The following TNKS variants were observed in gnomAD, a reference collection of about 807,000 sequenced individuals.
TNKS encodes tankyrase.
In TNKS, 72 loss-of-function variants were observed where a neutral mutation model predicts 135.8. That is an observed-to-expected ratio of 0.53 (90% confidence interval 0.44 to 0.64). The LOEUF is 0.64. Among genes scored for constraint, TNKS ranks in the 30% least tolerant of loss-of-function variants. The pLI, the probability that TNKS is intolerant of heterozygous loss-of-function variation, is 0.00. For missense variants in TNKS, 1,769 were observed against 1,674.0 expected (o/e 1.06, Z -0.99); for synonymous variants, 849 against 649.3 (o/e 1.31, Z -4.68).
At chr8:9,567,704 A>G (rs1311597074) in intron 1 of TNKS, among the ~76,000 whole-genome samples, 1 of 152,242 alleles carries the variant, frequency 6.6e-6, no homozygotes. Flanking sequence ...GGCCTGAGCC[A>G]CCGCACCCTT....
At chr8:9,650,629 A>C (rs544835953) in intron 3 of TNKS, among the ~76,000 whole-genome samples, 1 of 151,980 alleles carries the variant, frequency 6.6e-6, no homozygotes, top group Non-Finnish European at 1.5e-5. Context: ...AGAATTATCT[A>C]TTCATGTCCT....
At chr8:9,723,436 T>C (rs953976094) in intron 12 of TNKS, among the ~76,000 whole-genome samples, 2 of 152,132 alleles carry the variant, frequency 1.3e-5, no homozygotes, top group Admixed American at 1.3e-4. Flanking sequence ...TGAGATCTAC[T>C]TTAGAAACCT....
At chr8:9,565,626 C>T (rs1233316850) in intron 1 of TNKS, among the ~76,000 whole-genome samples, 1 of 151,914 alleles carries the variant, frequency 6.6e-6, no homozygotes, top group Admixed American at 6.6e-5. Flanking sequence ...TTTGGGAGGG[C>T]GGATCACAAG....
intron 5 of TNKS, among the ~76,000 whole-genome samples, chr8:9,686,000 G>A (rs1377401753): frequency 6.6e-6 from 1 of 152,066 alleles, no homozygotes; most frequent in African/African-American, 2.4e-5. Context: ...CAGTCTTTAT[G>A]TGGTAGGTTG....
rs1425885612 is a variant in TNKS, at chr8:9,579,539, G to T, written c.674-620G>T. Among the ~76,000 whole-genome samples the T allele has an allele frequency of 3.3e-5, 5 of 152,270 alleles. No individual in the cohort carries two copies. In the East Asian group the frequency reaches 9.7e-4, roughly 29 times the overall value. On this transcript the variant is annotated intron_variant, in intron 1 of 26. Transcript: ENST00000310430. ...GCTGGAATGCAGTGGCGTGGTCTCG[G>T]CTCACTGCCATCTCTGCCTCCCAGG...
chr8:9,628,114 A>C (rs975742945), intron 3 of TNKS, among the ~76,000 whole-genome samples: 1 of 152,106 alleles, frequency 6.6e-6, no homozygotes, highest in African/African-American at 2.4e-5. Flanking sequence ...GTTTATATCC[A>C]TCTGCTCATA....
intron 1 of TNKS, among the ~76,000 whole-genome samples, chr8:9,568,306 C>T (rs562127795): frequency 5.0e-4 from 76 of 152,134 alleles, no homozygotes; most frequent in African/African-American, 1.7e-3. Flanking sequence ...AGTAACAGCT[C>T]GAGAAATATG....
At chr8:9,631,783 A>G (rs1241222050) in intron 3 of TNKS, among the ~76,000 whole-genome samples, 2 of 151,834 alleles carry the variant, frequency 1.3e-5, no homozygotes, top group Admixed American at 1.3e-4. Context: ...TTTTCAAGAA[A>G]AAGTGTCAAG....
intron 1 of TNKS, among the ~76,000 whole-genome samples, chr8:9,566,701 C>A (rs982825233): frequency 6.6e-6 from 1 of 150,394 alleles, no homozygotes; most frequent in Non-Finnish European, 1.5e-5. Context: ...CTCCGCCTCC[C>A]GGGTTCACGC....
chr8:9,729,707 C>G (rs1805332430), intron 13 of TNKS, among the ~76,000 whole-genome samples: 1 of 151,134 alleles, frequency 6.6e-6, no homozygotes, highest in Admixed American at 6.6e-5. Context: ...ATCTCCATCC[C>G]TGGTTTGTTA....
intron 20 of TNKS, among the ~76,000 whole-genome samples, chr8:9,760,006 G>T (rs1308898663): frequency 6.7e-6 from 1 of 150,254 alleles, no homozygotes. Context: ...AAAAAAAAAA[G>T]TAAAGTCTGA....
chr8:9,582,890 GGC>G (rs1798220636), intron 2 of TNKS, among the ~76,000 whole-genome samples: 1 of 152,142 alleles, frequency 6.6e-6, no homozygotes, highest in Non-Finnish European at 1.5e-5. Context: ...TTTAGGGGCA[GGC>G]GCGGTGGCTC....
In TNKS at chr8:9,560,493, C is replaced by CTTTTTTTTTTTTTT. The variant is rs535715245; in HGVS notation, c.673+3898_673+3911dup. On this transcript the variant is annotated intron_variant, in intron 1 of 26. Transcript: ENST00000310430. ...GATTTTTCAGCATGGCCATACTTGT[C>CTTTTTTTTTTTTTT]TTTTTTTTTTTTTTTTTTTTTTTTT... Among the ~76,000 whole-genome samples, 20 of 42,286 alleles carry CTTTTTTTTTTTTTT rather than the reference C, an allele frequency of 4.7e-4. 5 individuals carry two copies. Among genetic ancestry groups the CTTTTTTTTTTTTTT allele is most frequent in the African/African-American group, 1.9e-3 (16 of 8,280 alleles). 27.7% of individuals were successfully genotyped at this position (42,286 alleles called of 152,430 possible). A position where few individuals can be genotyped will look rare whatever the true frequency, so the allele number is the denominator to read the frequency against.
chr8:9,616,520 T>C (rs1223386205), intron 3 of TNKS, among the ~76,000 whole-genome samples: 1 of 152,220 alleles, frequency 6.6e-6, no homozygotes, highest in African/African-American at 2.4e-5. Context: ...CTTTTAAATT[T>C]GCCCATGGTC....
intron 2 of TNKS, among the ~76,000 whole-genome samples, chr8:9,610,599 T>G (rs1799424372): frequency 6.6e-6 from 1 of 152,138 alleles, no homozygotes. Context: ...AAAATTTTCT[T>G]TGCTTAAAAA....
At chr8:9,580,044 A>G in intron 1 of TNKS, 115 bp from the exon 2 acceptor site, 1 of 796,436 alleles carries the variant, frequency 1.3e-6, no homozygotes, top group Non-Finnish European at 2.1e-6. Context: ...TACACCATTT[A>G]CTATAGAGTG....
In TNKS at chr8:9,556,022, C is replaced by T. The variant is rs1815268933; in HGVS notation, c.83C>T (p.Pro28Leu). 1.2e-6 allele frequency: 2 copies of T among 1,612,494 alleles called. No homozygotes were observed. The highest frequency in any genetic ancestry group is 1.3e-5 in the African/African-American group (1 of 74,936). ...CCCGCCCCAGGGGCTTCAGCGCCGC[C>T]GCCGCCACCTCCTCCCCCACTCAGC... ...LQPAPGASAP[P>L]PPPPPPLSPG... The change falls in exon 1 of 27, where the codon CCG becomes CTG. Residue 28 changes from proline to leucine, a missense_variant. Around this residue, in one of 5 missense-constraint regions of TNKS, gnomAD observed 450 missense variants for 304.9 expected, o/e 1.48. Coordinates refer to ENST00000310430, the MANE Select transcript of TNKS (RefSeq NM_003747.3).
At chr8:9,594,274 C>A (rs1443237663) in intron 2 of TNKS, among the ~76,000 whole-genome samples, 4 of 152,140 alleles carry the variant, frequency 2.6e-5, no homozygotes, top group Admixed American at 2.6e-4. Context: ...GATAGTTGCC[C>A]ATTAAAGAAA....
At chr8:9,712,515 C>G (rs983962430) in intron 11 of TNKS, among the ~76,000 whole-genome samples, 1 of 152,122 alleles carries the variant, frequency 6.6e-6, no homozygotes, top group Non-Finnish European at 1.5e-5. Context: ...ATTAAACCCT[C>G]AAATTCCTAA....
Sources: gnomAD v4.1 joint callset for allele counts (sites outside exome capture counted in the v4.1 genomes callset) on GRCh38, gnomAD v4.1.1 for gene constraint, gnomAD v4.1.1 regional missense constraint, MANE v1.5 for transcripts, NCBI Gene and HGNC (gene_info 2026-07-23, HGNC 2026-07-21) for gene names.